DPP10: variants seen among roughly 807,000 people sequenced by gnomAD.
DPP10 encodes the protein inactive dipeptidyl peptidase 10.
Under a neutral mutation model 120.9 loss-of-function variants are expected in DPP10, and 33 were observed. That is an observed-to-expected ratio of 0.27 (90% CI 0.21 to 0.37). The LOEUF (loss-of-function observed/expected upper bound fraction) is 0.37, where lower values mean the gene tolerates loss of function less well. Among genes scored for constraint, DPP10 ranks in the 10% least tolerant of loss-of-function variants. DPP10 has a pLI of 1.00. For missense variants in DPP10, 816 were observed against 942.8 expected (o/e 0.87, Z 1.76); for synonymous variants, 337 against 326.1 (o/e 1.03, Z -0.36).
At chr2:115,426,583 C>T (rs1294576591) in intron 3 of DPP10, among the ~76,000 whole-genome samples, 1 of 136,952 alleles carries the variant, frequency 7.3e-6, no homozygotes, top group Admixed American at 7.3e-5. Flanking sequence ...CACCAGGTGC[C>T]ACCTCTGACG....
At chr2:115,018,184 C>A (rs528967090) in intron 1 of DPP10, among the ~76,000 whole-genome samples, 1 of 151,970 alleles carries the variant, frequency 6.6e-6, no homozygotes, top group Non-Finnish European at 1.5e-5. Flanking sequence ...GTTAGAATGG[C>A]GATCATTAAA....
At chr2:115,189,700 A>G (rs1192661013) in intron 1 of DPP10, among the ~76,000 whole-genome samples, 1 of 152,058 alleles carries the variant, frequency 6.6e-6, no homozygotes, top group Non-Finnish European at 1.5e-5. Context: ...AAGGTGGAGG[A>G]GAATTTAGAA....
At position 115,494,242 on chromosome 2, in the gene DPP10, T is replaced by G. The variant is rs1018207809; in HGVS notation, c.272-5268T>G. Among the ~76,000 whole-genome samples, 16 of 152,256 alleles carry G rather than the reference T, an allele frequency of 1.1e-4. 1 individual carries two copies. Among genetic ancestry groups the G allele is most frequent in the Admixed American group, 9.2e-4 (14 of 15,284 alleles). Reference sequence around the variant, plus strand: ...CAAGCATGAGCCACCGTGCATGTACTTTTTTTCTTTAATCCTTTTGTTTTT... The same window carrying G: ...CAAGCATGAGCCACCGTGCATGTACGTTTTTTCTTTAATCCTTTTGTTTTT... On this transcript the variant is annotated intron_variant, in intron 3 of 25. Transcript: ENST00000410059.
chr2:115,557,971 G>T (rs916840123), intron 5 of DPP10, among the ~76,000 whole-genome samples: 8 of 152,182 alleles, frequency 5.3e-5, no homozygotes, highest in African/African-American at 1.9e-4. Flanking sequence ...TGTTAAAGGT[G>T]TTGTTCTTTC....
intron 1 of DPP10, among the ~76,000 whole-genome samples, chr2:114,444,167 T>G (rs2104515561): frequency 6.6e-6 from 1 of 152,308 alleles, no homozygotes; most frequent in East Asian, 1.9e-4. Flanking sequence ...CAGCATTAGA[T>G]TTTCTGTGCT....
chr2:115,015,900 A>G (rs188651526), intron 1 of DPP10, among the ~76,000 whole-genome samples: 3 of 152,356 alleles, frequency 2.0e-5, no homozygotes, highest in African/African-American at 7.2e-5. Flanking sequence ...GGAAGGGCCA[A>G]TATTGTGAAC....
At chr2:115,072,093 A>G (rs531391926) in intron 1 of DPP10, among the ~76,000 whole-genome samples, 2 of 152,326 alleles carry the variant, frequency 1.3e-5, no homozygotes, top group South Asian at 4.1e-4. Context: ...GAATTCAGCA[A>G]TAGGTTGAAG....
At chr2:115,198,767 A>G (rs1329010623) in intron 1 of DPP10, among the ~76,000 whole-genome samples, 1 of 152,140 alleles carries the variant, frequency 6.6e-6, no homozygotes, top group South Asian at 2.1e-4. Flanking sequence ...TTACATTACT[A>G]AATCTCCAGT....
chr2:114,814,630 G>A (rs1016548459), intron 1 of DPP10, among the ~76,000 whole-genome samples: 2 of 148,604 alleles, frequency 1.3e-5, no homozygotes, highest in African/African-American at 2.6e-5. Context: ...GGTGGCTCTC[G>A]AGGGTCCTCA....
chr2:115,490,822 A>G (rs2076070297), intron 3 of DPP10, among the ~76,000 whole-genome samples: 1 of 152,226 alleles, frequency 6.6e-6, no homozygotes, highest in African/African-American at 2.4e-5. Flanking sequence ...ACCTTATTCA[A>G]AGCAATTGCG....
chr2:114,748,342 T>TC (rs1553418183), intron 1 of DPP10, among the ~76,000 whole-genome samples: 1,572 of 117,012 alleles, frequency 0.013, 37 homozygotes, highest in Non-Finnish European at 0.017. Flanking sequence ...AATTTTCTTT[T>TC]TTTTTTTTAT....
intron 1 of DPP10, among the ~76,000 whole-genome samples, chr2:115,099,686 A>G (rs902029761): frequency 6.6e-6 from 1 of 152,136 alleles, no homozygotes; most frequent in Non-Finnish European, 1.5e-5. Flanking sequence ...ACTGTTGAGG[A>G]TGTACTCATA....
At chr2:115,768,203 A>T (rs776347479) in intron 12 of DPP10, 94 bp from the exon 13 acceptor site, 4 of 969,670 alleles carry the variant, frequency 4.1e-6, no homozygotes, top group Non-Finnish European at 6.0e-6. Context: ...TTATAAATCA[A>T]TATTTGGTAT....
At chr2:115,025,010 T>G (rs553553356) in intron 1 of DPP10, among the ~76,000 whole-genome samples, 1 of 151,892 alleles carries the variant, frequency 6.6e-6, no homozygotes, top group African/African-American at 2.4e-5. Flanking sequence ...ATTTTAATGC[T>G]AGGAACACTT....
intron 5 of DPP10, among the ~76,000 whole-genome samples, chr2:115,539,756 G>T (rs1216785591): frequency 1.3e-5 from 2 of 150,592 alleles, no homozygotes. Flanking sequence ...ATCAAATATG[G>T]AATAACTTTT....
At chr2:114,635,735 A>G (rs993588173) in intron 1 of DPP10, among the ~76,000 whole-genome samples, 1 of 151,948 alleles carries the variant, frequency 6.6e-6, no homozygotes, top group Non-Finnish European at 1.5e-5. Context: ...AAGACTTTTT[A>G]TTGATGTGAG....
At position 114,583,590 on chromosome 2, in the gene DPP10, T is replaced by C. The variant is rs553091870; in HGVS notation, c.60+140752T>C. ...CTCTTTCTAAAATTTTAAATCATAG[T>C]TTCTTGCAGAGAAATCTGGGGATGT... is the stretch of plus-strand genomic sequence containing the variant. On this transcript the variant is annotated intron_variant, in intron 1 of 25. Coordinates refer to ENST00000410059, the MANE Select transcript of DPP10 (RefSeq NM_020868.6). 3.6e-3 allele frequency among the ~76,000 whole-genome samples: 551 copies of C among 152,326 alleles called. 3 individuals are homozygous for C. Among genetic ancestry groups the C allele is most frequent in the Non-Finnish European group, 5.9e-3 (402 of 68,014 alleles).
Position 115,023,209 on chromosome 2 carries a change from G to A in DPP10, c.61-286030G>A, listed in dbSNP as rs147007486. On this transcript the variant is annotated intron_variant, in intron 1 of 25. Coordinates refer to ENST00000410059, the MANE Select transcript of DPP10 (RefSeq NM_020868.6). The stretch of plus-strand genomic sequence containing the variant: ...AAAGAAATAATCAGCAAAGTAAACC[G>A]ACAACCCACAGAGTGGGAGAAAATC... Among the ~76,000 whole-genome samples the A allele has an allele frequency of 3.4e-3, 513 of 152,134 alleles. 7 individuals are homozygous for A. Among genetic ancestry groups the A allele is most frequent in the African/African-American group, 0.012 (489 of 41,514 alleles).
At chr2:114,855,901 G>T (rs988510444) in intron 1 of DPP10, among the ~76,000 whole-genome samples, 6 of 151,370 alleles carry the variant, frequency 4.0e-5, no homozygotes, top group African/African-American at 1.5e-4. Flanking sequence ...TATTTGTGTT[G>T]CAAGGAGCAT....
Sources: gnomAD v4.1 joint callset for allele counts (sites outside exome capture counted in the v4.1 genomes callset) on GRCh38, gnomAD v4.1.1 for gene constraint, MANE v1.5 for transcripts, NCBI Gene and HGNC (gene_info 2026-07-23, HGNC 2026-07-21) for gene names.